CSMD1: variants seen among roughly 807,000 people sequenced by gnomAD.
The protein encoded by CSMD1 is CUB and sushi domain-containing protein 1.
Under a neutral mutation model 417.5 loss-of-function variants are expected in CSMD1, and 213 were observed. The ratio of observed to expected loss-of-function variants is 0.51; its 90% CI spans 0.46 to 0.57. The LOEUF is 0.57. Among genes scored for constraint, CSMD1 ranks in the 20% least tolerant of loss-of-function variants. CSMD1 has a pLI of 0.00. For synonymous variants in CSMD1, 2,862 were observed against 1,736.8 expected, an observed-to-expected ratio of 1.65 and a Z score of -16.11; for missense variants, 6,923 against 4,529.7, an observed-to-expected ratio of 1.53 and a Z score of -15.17.
intron 5 of CSMD1, among the ~76,000 whole-genome samples, chr8:3,973,070 G>C (rs1404571341): frequency 6.6e-6 from 1 of 152,196 alleles, no homozygotes; most frequent in Non-Finnish European, 1.5e-5. Context: ...GATAACAAAT[G>C]TTTGTTTTAC....
intron 37 of CSMD1, among the ~76,000 whole-genome samples, chr8:3,178,979 A>G (rs574557871): frequency 2.1e-3 from 300 of 141,530 alleles, no homozygotes; most frequent in Non-Finnish European, 3.4e-3. Context: ...ACGGAGTCTC[A>G]CTCTGTCACC....
intron 3 of CSMD1, among the ~76,000 whole-genome samples, chr8:4,254,152 G>A (rs916738817): frequency 6.6e-6 from 1 of 151,726 alleles, no homozygotes; most frequent in Non-Finnish European, 1.5e-5. Flanking sequence ...CTCCTGACCT[G>A]GTGATCCACC....
chr8:3,241,437 G>A (rs1251089121), intron 26 of CSMD1, among the ~76,000 whole-genome samples: 1 of 152,150 alleles, frequency 6.6e-6, no homozygotes, highest in Non-Finnish European at 1.5e-5. Flanking sequence ...CGGCATCTGT[G>A]TTGGTCTACA....
intron 3 of CSMD1, among the ~76,000 whole-genome samples, chr8:4,138,161 C>T (rs895376820): frequency 6.9e-6 from 1 of 145,548 alleles, no homozygotes; most frequent in Non-Finnish European, 1.5e-5. Context: ...ATGATCCTCC[C>T]ACCTGGGCCT....
At chr8:3,953,892 G>T (rs1022605512) in intron 5 of CSMD1, among the ~76,000 whole-genome samples, 7 of 152,196 alleles carry the variant, frequency 4.6e-5, no homozygotes, top group Admixed American at 3.9e-4. Flanking sequence ...GCAGGCCCCA[G>T]GACTGTGCTC....
At chr8:3,335,238 C>T (rs1225642331) in intron 23 of CSMD1, among the ~76,000 whole-genome samples, 1 of 152,184 alleles carries the variant, frequency 6.6e-6, no homozygotes, top group Non-Finnish European at 1.5e-5. Flanking sequence ...ACCCTCTGCT[C>T]TGTGTTACGA....
At chr8:4,601,939 T>C (rs969830411) in intron 2 of CSMD1, among the ~76,000 whole-genome samples, 1 of 152,154 alleles carries the variant, frequency 6.6e-6, no homozygotes, top group Non-Finnish European at 1.5e-5. Flanking sequence ...GTGAAGCTTA[T>C]ACACAGGTGC....
intron 1 of CSMD1, among the ~76,000 whole-genome samples, chr8:4,944,956 C>T (rs1048761647): frequency 6.6e-6 from 1 of 152,068 alleles, no homozygotes. Flanking sequence ...TGCATGTCCA[C>T]GTGTGTATCA....
At chr8:4,043,774 G>T (rs1354524689) in intron 3 of CSMD1, among the ~76,000 whole-genome samples, 1 of 152,042 alleles carries the variant, frequency 6.6e-6, no homozygotes, top group Non-Finnish European at 1.5e-5. Context: ...TTCAAATGCT[G>T]GAACGCTTTA....
At chr8:3,367,525 T>C (rs1002135902) in intron 19 of CSMD1, among the ~76,000 whole-genome samples, 17 of 151,984 alleles carry the variant, frequency 1.1e-4, no homozygotes, top group Non-Finnish European at 2.4e-4. Context: ...TTTTCTGGAC[T>C]TAGACACATC....
chr8:4,191,041 A>G (rs964012215), intron 3 of CSMD1, among the ~76,000 whole-genome samples: 1 of 152,186 alleles, frequency 6.6e-6, no homozygotes, highest in African/African-American at 2.4e-5. Flanking sequence ...ACAAACCCCC[A>G]TGACACCAGT....
chr8:4,091,424 A>G (rs1800714424), intron 3 of CSMD1, among the ~76,000 whole-genome samples: 1 of 152,176 alleles, frequency 6.6e-6, no homozygotes, highest in South Asian at 2.1e-4. Context: ...CTTTTACTCA[A>G]GTTATTATTT....
rs184030616 is a variant in CSMD1 at position 4,922,204 on chromosome 8, A to G, written c.85+72128T>C. Reference sequence around the variant, plus strand: ...CCTGTGTGTGCGAGTGTGTGCGTGCATGTCTGTCTGTGTTTTTTTAATGTA... The same window carrying G: ...CCTGTGTGTGCGAGTGTGTGCGTGCGTGTCTGTCTGTGTTTTTTTAATGTA... On this transcript the variant is annotated intron_variant, in intron 1 of 69. Coordinates refer to ENST00000635120, the MANE Select transcript of CSMD1 (RefSeq NM_033225.6). 3.3e-5 allele frequency among the ~76,000 whole-genome samples: 5 copies of G among 152,042 alleles called. No homozygotes were observed. In the East Asian group the frequency reaches 5.8e-4, roughly 18 times the overall value.
At chr8:3,845,335 ATACAGCATGT>A (rs1803428475) in intron 5 of CSMD1, among the ~76,000 whole-genome samples, 1 of 152,218 alleles carries the variant, frequency 6.6e-6, no homozygotes, top group African/African-American at 2.4e-5. Context: ...AGGCTCTACG[ATACAGCATGT>A]TGCTCCTGGA....
chr8:4,755,690 A>G (rs1468051695), intron 1 of CSMD1, among the ~76,000 whole-genome samples: 2 of 152,236 alleles, frequency 1.3e-5, no homozygotes, highest in African/African-American at 4.8e-5. Context: ...ATTCGCAGTT[A>G]AAGTTTCACA....
In CSMD1 at chr8:3,803,946, G is replaced by C. The variant is rs77128970; in HGVS notation, c.819-49904C>G. On this transcript the variant is annotated intron_variant, in intron 5 of 69. Transcript: ENST00000635120. ...AAAGTTTCTCTTTTTTTCTTTTTTT[G>C]AGGTGGAGTCTTGCTCTGTCGCCCA... Among the ~76,000 whole-genome samples, 1,409 of 151,566 alleles carry C rather than the reference G, an allele frequency of 9.3e-3. 11 individuals carry two copies. The highest frequency in any genetic ancestry group is 0.028 in the African/African-American group (1,151 of 41,380).
At chr8:4,556,791 G>A (rs1212918715) in intron 2 of CSMD1, among the ~76,000 whole-genome samples, 2 of 152,138 alleles carry the variant, frequency 1.3e-5, no homozygotes, top group African/African-American at 2.4e-5. Flanking sequence ...CAAACTTTCT[G>A]AGTGCTGACA....
rs867505095 is a variant in CSMD1 at position 3,829,336 on chromosome 8, G to A, written c.819-75294C>T. On this transcript the variant is annotated intron_variant, in intron 5 of 69. Transcript: ENST00000635120. ...TTCTACAATCACCTTTCCATAACCA[G>A]GTCTTTCTGGTTACTGAGAACTCTG... Among the ~76,000 whole-genome samples, 11 of 152,212 alleles carry A rather than the reference G, an allele frequency of 7.2e-5. No homozygotes were observed. In the East Asian group the frequency reaches 1.4e-3, roughly 19 times the overall value.
At chr8:4,465,454 A>G (rs948590953) in intron 2 of CSMD1, among the ~76,000 whole-genome samples, 15 of 152,182 alleles carry the variant, frequency 9.9e-5, no homozygotes, top group African/African-American at 2.2e-4. Context: ...CTGCCTTGCC[A>G]TATTATTTTA....
Sources: gnomAD v4.1 joint callset for allele counts (sites outside exome capture counted in the v4.1 genomes callset) on GRCh38, gnomAD v4.1.1 for gene constraint, MANE v1.5 for transcripts, NCBI Gene and HGNC (gene_info 2026-07-23, HGNC 2026-07-21) for gene names.